The following PI4KA variants were observed in gnomAD, a reference collection of about 807,000 sequenced individuals.
PI4KA encodes PI4-kinase alpha.
Under a neutral mutation model 271.4 loss-of-function variants are expected in PI4KA, and 122 were observed. That is an observed-to-expected ratio of 0.45 (90% confidence interval 0.39 to 0.52). The LOEUF (loss-of-function observed/expected upper bound fraction) is 0.52. Ranked by LOEUF, PI4KA falls within the 20% of genes least tolerant of loss-of-function variation. The probability of loss-of-function intolerance (pLI) is 0.00; values close to 1 mark genes in which losing one functional copy is unlikely to be tolerated. For synonymous variants in PI4KA, 1,041 were observed against 1,078.8 expected, an observed-to-expected ratio of 0.96 and a Z score of 0.69; for missense variants, 1,969 against 2,769.1, an observed-to-expected ratio of 0.71 and a Z score of 6.48.
In PI4KA at chr22:20,734,432, C is replaced by A. The variant is rs747398000; in HGVS notation, c.3863G>T (p.Cys1288Phe). 3.5e-5 allele frequency: 57 copies of A among 1,608,388 alleles called. No homozygotes were observed. Among genetic ancestry groups the A allele is most frequent in the Non-Finnish European group, 4.4e-5 (52 of 1,176,016 alleles). ...GTAGTGGGGGGTCACTTCGGGGGGA[C>A]AGGGTTTGGGTTGACTTGCTTCCGA... ...AASEASQPKP[C>F]PPEVTPHYIW... Residue 1288 changes from cysteine (C) to phenylalanine (F), a missense_variant, in exon 33 of 55, where the codon TGT becomes TTT. Physicochemically the swap from Cys to Phe is radical, Grantham distance 205. Transcript: ENST00000255882.
chr22:20,749,492 C>G (rs573398314), intron 28 of PI4KA, among the ~76,000 whole-genome samples: 1 of 152,404 alleles, frequency 6.6e-6, no homozygotes, highest in South Asian at 2.1e-4. Context: ...TAATGGGACA[C>G]AAGTCCCCAA....
intron 32 of PI4KA, among the ~76,000 whole-genome samples, chr22:20,738,431 T>C (rs117654565): frequency 6.6e-6 from 1 of 152,340 alleles, no homozygotes; most frequent in East Asian, 1.9e-4. Context: ...ACAAGGATCA[T>C]GAATCTTTCC....
rs183627220 is a variant in PI4KA, at chr22:20,718,604, G to A, written c.5246+89C>T. The A allele has an allele frequency of 2.7e-5, 39 of 1,440,910 alleles. No homozygotes were observed. The African/African-American group carries it at 4.5e-4, about 17-fold the overall frequency. 89.3% of individuals were successfully genotyped at this position (1,440,910 alleles called of 1,614,324 possible). A position where few individuals can be genotyped will look rare whatever the true frequency, so the allele number is the denominator to read the frequency against. On this transcript the variant is annotated intron_variant, in intron 44 of 54. Transcript: ENST00000255882. Reference sequence around the variant, plus strand: ...ATTCATCTGGTTGGGGCCAGGCACGGGTATTTTTAAAGCTTCCCAGGCAAT... The same window carrying A: ...ATTCATCTGGTTGGGGCCAGGCACGAGTATTTTTAAAGCTTCCCAGGCAAT...
In PI4KA at chr22:20,834,613, C is replaced by T; in HGVS notation, c.316G>A (p.Gly106Ser). The T allele has an allele frequency of 6.2e-7, 1 of 1,611,490 alleles. No individual in the cohort carries two copies. The highest frequency in any genetic ancestry group is 8.5e-7 in the Non-Finnish European group (1 of 1,177,686). The change falls in exon 3 of 55, where the codon GGT (glycine) becomes AGT (serine). Residue 106 changes from glycine (G) to serine (S), a missense_variant. This residue lies in a region of PI4KA where 540 missense variants were observed against 555.5 expected (regional missense o/e 0.97). Coordinates refer to ENST00000255882, the MANE Select transcript of PI4KA (RefSeq NM_058004.4). ...VVPYLLRLLK[G>S]LPKVYWVEES... ...TCTACCCAATACACTTTTGGAAGAC[C>T]TTTGAGAAGTCGAAGAAGGTAAGGA...
At chr22:20,811,084 A>AT (rs1314530787) in intron 8 of PI4KA, 52 bp from the exon 9 acceptor site, 1 of 1,347,702 alleles carries the variant, frequency 7.4e-7, no homozygotes, top group South Asian at 1.2e-5. Context: ...AGAGACAGGA[A>AT]TGCTAGCTCC....
chr22:20,855,421 A>G (rs1364679394), intron 1 of PI4KA, among the ~76,000 whole-genome samples: 1 of 152,206 alleles, frequency 6.6e-6, no homozygotes, highest in Non-Finnish European at 1.5e-5. Context: ...AGGAATTCAC[A>G]TATATTTAAT....
intron 7 of PI4KA, among the ~76,000 whole-genome samples, chr22:20,815,823 G>T (rs375712587): frequency 6.6e-6 from 1 of 152,170 alleles, no homozygotes; most frequent in African/African-American, 2.4e-5. Context: ...ATGAAATATG[G>T]GCTAAGTCCT....
At chr22:20,783,797 CTT>C (rs1014384988) in intron 19 of PI4KA, among the ~76,000 whole-genome samples, 5 of 152,172 alleles carry the variant, frequency 3.3e-5, no homozygotes, top group Admixed American at 1.3e-4. Flanking sequence ...GTTAACCTCT[CTT>C]GTTAGAAATG....
intron 19 of PI4KA, chr22:20,779,786 T>A (rs751519137): frequency 1.2e-6 from 2 of 1,614,216 alleles, no homozygotes; most frequent in Admixed American, 3.3e-5. Context: ...CCGTTGGCAT[T>A]TCTACTGCGA....
At position 20,804,413 on chromosome 22, in the gene PI4KA, C is replaced by G; in HGVS notation, c.1361-13G>C. The G allele has an allele frequency of 6.3e-7, 1 of 1,584,496 alleles. No individual in the cohort carries two copies. Among genetic ancestry groups the G allele is most frequent in the Non-Finnish European group, 8.7e-7 (1 of 1,153,100 alleles). On this transcript the variant is annotated splice_polypyrimidine_tract_variant and intron_variant, in intron 11 of 54. Transcript: ENST00000255882. Reference sequence around the variant, plus strand: ...AGGTTTTCTGCACCTTAATTCAAAACCAGAAGAGGAGATGAGTGATCAGCA... The same window carrying G: ...AGGTTTTCTGCACCTTAATTCAAAAGCAGAAGAGGAGATGAGTGATCAGCA...
At position 20,770,513 on chromosome 22, in the gene PI4KA, CAAAAAA is replaced by C. The variant is rs1178691364; in HGVS notation, c.2329-4826_2329-4821del. On this transcript the variant is annotated intron_variant, in intron 19 of 54. Transcript: ENST00000255882. ...GGGCAACAGAGCAAAAACTCCGTCT[CAAAAAA>C]AAAAAAAAAAAAAGAGAGAGAGAGA... is the stretch of plus-strand genomic sequence containing the variant. 6.8e-4 allele frequency among the ~76,000 whole-genome samples: 9 copies of C among 13,202 alleles called. 1 individual carries two copies. The highest frequency in any genetic ancestry group is 1.2e-3 in the Non-Finnish European group (9 of 7,244). The allele number at this position is 13,202 out of a possible 152,430, so 8.7% of individuals were successfully genotyped here.
In PI4KA at chr22:20,799,273, G is replaced by A. The variant is rs200276515; in HGVS notation, c.1824C>T (p.Asp608=). 2.6e-6 allele frequency: 4 copies of A among 1,520,238 alleles called. No individual in the cohort carries two copies. Among genetic ancestry groups the A allele is most frequent in the Non-Finnish European group, 1.8e-6 (2 of 1,136,988 alleles). 94.2% of individuals were successfully genotyped at this position (1,520,238 alleles called of 1,614,324 possible). ...RLYISQESDK[D]AHLIPDHTIR... Reference sequence around the variant, plus strand: ...TTGTGTGGTCGGGAATCAAGTGAGCGTCCCTACAGAAGGAAGAACAGAAGC... The same window carrying A: ...TTGTGTGGTCGGGAATCAAGTGAGCATCCCTACAGAAGGAAGAACAGAAGC... Residue 608 remains aspartate (D), a synonymous_variant, in exon 16 of 55, where the codon GAC becomes GAT. Transcript: ENST00000255882.
rs1290773565 is a variant in PI4KA at position 20,752,960 on chromosome 22, T to C, written c.2930A>G (p.His977Arg). 2 of 1,614,208 alleles carry C rather than the reference T, an allele frequency of 1.2e-6. No individual in the cohort carries two copies. Among genetic ancestry groups the C allele is most frequent in the East Asian group, 2.2e-5 (1 of 44,882 alleles). ...HAQFLLVNFNHIHKRIRRVAD... is the reference protein window; with the variant it reads ...HAQFLLVNFNRIHKRIRRVAD... ...CACCCTCCTTATCCTCTTGTGGATG[T>C]GGTTGAAGTTCACCAACAGGAACTG... Residue 977 changes from histidine to arginine, a missense_variant, in exon 25 of 55, where the codon CAC becomes CGC. By Grantham distance (29) the His-to-Arg change is conservative. This residue lies in a region of PI4KA where 368 missense variants were observed against 544.3 expected (regional missense o/e 0.68). Coordinates refer to ENST00000255882, the MANE Select transcript of PI4KA (RefSeq NM_058004.4).
chr22:20,829,035 G>A (rs970672840), intron 3 of PI4KA, among the ~76,000 whole-genome samples: 2 of 152,162 alleles, frequency 1.3e-5, no homozygotes, highest in African/African-American at 4.8e-5. Flanking sequence ...TGGTGGATTA[G>A]CATTTTGATG....
intron 1 of PI4KA, among the ~76,000 whole-genome samples, chr22:20,849,522 A>G (rs1160870372): frequency 6.6e-6 from 1 of 152,240 alleles, no homozygotes; most frequent in African/African-American, 2.4e-5. Context: ...AAGTAATGAG[A>G]TGCTACAACA....
chr22:20,853,974 A>G (rs560996038), intron 1 of PI4KA, among the ~76,000 whole-genome samples: 1 of 109,928 alleles, frequency 9.1e-6, no homozygotes, highest in South Asian at 2.7e-4. Flanking sequence ...TAAAGGAAAG[A>G]GAAAAAAAAA....
At chr22:20,850,353 G>GT (rs1926807075) in intron 1 of PI4KA, among the ~76,000 whole-genome samples, 1 of 151,838 alleles carries the variant, frequency 6.6e-6, no homozygotes, top group Non-Finnish European at 1.5e-5. Flanking sequence ...CTGGAACCCC[G>GT]TCTCTACTAA....
chr22:20,764,523 C>T (rs569653755), intron 22 of PI4KA: 72 of 296,600 alleles, frequency 2.4e-4, no homozygotes, highest in South Asian at 3.8e-4. Context: ...AGAAGGGCCT[C>T]GCTCAGTCCG....
At chr22:20,845,820 G>A (rs550814443) in intron 1 of PI4KA, among the ~76,000 whole-genome samples, 66 of 152,278 alleles carry the variant, frequency 4.3e-4, no homozygotes, top group Admixed American at 3.3e-3. Flanking sequence ...AGCTATGATC[G>A]TGCCACTGCA....
Sources: gnomAD v4.1 joint callset for allele counts (sites outside exome capture counted in the v4.1 genomes callset) on GRCh38, gnomAD v4.1.1 for gene constraint, gnomAD v4.1.1 regional missense constraint, MANE v1.5 for transcripts, NCBI Gene and HGNC (gene_info 2026-07-23, HGNC 2026-07-21) for gene names.